Variants in SUCLA2 observed in about 807,000 individuals in gnomAD.
The protein encoded by SUCLA2 is succinate-CoA ligase ADP-forming subunit beta.
A neutral mutation model predicts 54.8 loss-of-function variants in SUCLA2; 30 were observed. That is an observed-to-expected ratio of 0.55 (90% confidence interval 0.41 to 0.74). SUCLA2 has a LOEUF of 0.74. Among genes scored for constraint, SUCLA2 ranks in the 30% least tolerant of loss-of-function variants. SUCLA2 has a pLI of 0.00. For missense variants in SUCLA2, 476 were observed against 562.9 expected (o/e 0.85, Z 1.56); for synonymous variants, 172 against 188.9 (o/e 0.91, Z 0.74).
At chr13:47,959,499 CGGGGGG>C (rs1949849900) in intron 6 of SUCLA2, among the ~76,000 whole-genome samples, 3 of 14,376 alleles carry the variant, frequency 2.1e-4, no homozygotes, top group Admixed American at 2.2e-3. Context: ...GGAAGGGGAG[CGGGGGG>C]AGGAGGAGGA....
chr13:47,968,505 A>C (rs1025767694), intron 6 of SUCLA2, 90 bp downstream of exon 6: 8 of 1,484,148 alleles, frequency 5.4e-6, no homozygotes, highest in African/African-American at 1.4e-5. Context: ...TAGAAGTTTA[A>C]CTACTTTAAC....
intron 6 of SUCLA2, among the ~76,000 whole-genome samples, chr13:47,962,654 G>A (rs565167544): frequency 1.3e-4 from 20 of 152,204 alleles, no homozygotes; most frequent in Non-Finnish European, 2.9e-4. Flanking sequence ...TGATTCCTGG[G>A]TGGCTACATG....
chr13:48,000,764 C>T (rs775258333), intron 1 of SUCLA2: 25 of 794,852 alleles, frequency 3.1e-5, no homozygotes, highest in Non-Finnish European at 2.7e-5. Flanking sequence ...CCACCTATGA[C>T]AGCTCCCAAG....
intron 5 of SUCLA2, among the ~76,000 whole-genome samples, 190 bp downstream of exon 5, chr13:47,973,074 A>G (rs1949981683): frequency 6.6e-6 from 1 of 152,172 alleles, no homozygotes; most frequent in Non-Finnish European, 1.5e-5. Context: ...AAGAATCCAC[A>G]TTGAAATATT....
chr13:47,945,422 C>CAAAAAAAAAAAA (rs10661341), intron 10 of SUCLA2, among the ~76,000 whole-genome samples: 2 of 50,014 alleles, frequency 4.0e-5, no homozygotes, highest in African/African-American at 8.6e-5. Context: ...GACTCAGTCT[C>CAAAAAAAAAAAA]AAAAAAAAAA....
intron 6 of SUCLA2, among the ~76,000 whole-genome samples, chr13:47,968,022 T>TC (rs1949933491): frequency 6.6e-6 from 1 of 151,930 alleles, no homozygotes; most frequent in Non-Finnish European, 1.5e-5. Context: ...CATAAAGAGT[T>TC]CCCCAGGATA....
intron 1 of SUCLA2, chr13:48,000,895 C>T: frequency 7.5e-7 from 1 of 1,324,776 alleles, no homozygotes; most frequent in South Asian, 1.7e-5. Flanking sequence ...CTCACCTCCA[C>T]TCAGAGCCCA....
At chr13:47,952,178 GT>G (rs772363266) in intron 8 of SUCLA2, among the ~76,000 whole-genome samples, 1 of 151,978 alleles carries the variant, frequency 6.6e-6, no homozygotes, top group Non-Finnish European at 1.5e-5. Flanking sequence ...ATTTGACATT[GT>G]TTCCCAATGC....
intron 6 of SUCLA2, chr13:47,965,667 C>G (rs1182805007): frequency 1.0e-5 from 4 of 398,292 alleles, no homozygotes; most frequent in African/African-American, 8.2e-5. Flanking sequence ...TAAAGGACAT[C>G]AGTAGGACAG....
intron 4 of SUCLA2, among the ~76,000 whole-genome samples, chr13:47,986,715 A>C (rs1458917861): frequency 6.6e-6 from 1 of 152,120 alleles, no homozygotes. Flanking sequence ...TCTTGAGTTA[A>C]CTTTTGTATA....
At chr13:47,967,134 G>A (rs1461425566) in intron 6 of SUCLA2, among the ~76,000 whole-genome samples, 2 of 152,074 alleles carry the variant, frequency 1.3e-5, no homozygotes, top group Non-Finnish European at 2.9e-5. Flanking sequence ...TTTAATTTGT[G>A]ACTCAGTATT....
At chr13:47,990,991 C>T (rs1205441376) in intron 2 of SUCLA2, among the ~76,000 whole-genome samples, 1 of 152,108 alleles carries the variant, frequency 6.6e-6, no homozygotes, top group Non-Finnish European at 1.5e-5. Context: ...TTTCTCAAAC[C>T]CCACTTCCAT....
chr13:47,958,968 A>T (rs533682633), intron 6 of SUCLA2, among the ~76,000 whole-genome samples: 25 of 152,330 alleles, frequency 1.6e-4, no homozygotes, highest in African/African-American at 6.0e-4. Flanking sequence ...TTTGATGCTC[A>T]TTGGATATCT....
At position 47,949,497 on chromosome 13, in the gene SUCLA2, A is replaced by G; in HGVS notation, c.1214T>C (p.Val405Ala). The G allele has an allele frequency of 6.2e-7, 1 of 1,613,598 alleles. No homozygotes were observed. The highest frequency in any genetic ancestry group is 8.5e-7 in the Non-Finnish European group (1 of 1,179,634). ...VKDLEIKIPV[V>A]VRLQGTRVDD... The stretch of plus-strand genomic sequence containing the variant: ...TTTATACTCACCTTGTAACCGTACC[A>G]CAACAGGTATTTTAATTTCCAAGTC... Residue 405 changes from valine (V) to alanine (A), a missense_variant, in exon 9 of 11, where the codon GTG becomes GCG. Val to Ala is a moderately conservative substitution (Grantham distance 64). Transcript: ENST00000646932.
chr13:47,962,822 C>G (rs1410578147), intron 6 of SUCLA2, among the ~76,000 whole-genome samples: 1 of 151,918 alleles, frequency 6.6e-6, no homozygotes, highest in Non-Finnish European at 1.5e-5. Flanking sequence ...TGGATAAACA[C>G]AGAAATTGAC....
chr13:47,960,068 T>C (rs1949856613), intron 6 of SUCLA2, among the ~76,000 whole-genome samples: 1 of 152,092 alleles, frequency 6.6e-6, no homozygotes, highest in Non-Finnish European at 1.5e-5. Flanking sequence ...CATCATGTGG[T>C]TTTTTTGGGA....
At chr13:48,000,901 G>A in intron 1 of SUCLA2, 2 of 1,338,364 alleles carry the variant, frequency 1.5e-6, no homozygotes, top group Non-Finnish European at 1.9e-6. Flanking sequence ...TCCACTCAGA[G>A]CCCACCTGCT....
rs143475336 is a variant in SUCLA2, at chr13:47,998,346, G to A, written c.91-1323C>T. On this transcript the variant is annotated intron_variant, in intron 1 of 10. Transcript: ENST00000646932. The stretch of plus-strand genomic sequence containing the variant: ...AAACCCAGCAACCTCTCAAACTACT[G>A]TTTAGTATACCTCCACCTTCTGACT... 2.5e-3 allele frequency among the ~76,000 whole-genome samples: 380 copies of A among 149,168 alleles called. 1 individual carries two copies. Among genetic ancestry groups the A allele is most frequent in the African/African-American group, 8.7e-3 (356 of 40,722 alleles).
intron 2 of SUCLA2, chr13:47,994,685 T>C: frequency 4.0e-6 from 1 of 248,772 alleles, no homozygotes; most frequent in Non-Finnish European, 6.4e-6. Flanking sequence ...TCCTTGTTAA[T>C]TATTAGTCTC....
Sources: allele counts gnomAD v4.1 joint callset (sites outside exome capture counted in the v4.1 genomes callset), GRCh38; gene constraint gnomAD v4.1.1; transcripts MANE v1.5; gene names NCBI Gene and HGNC (gene_info 2026-07-23, HGNC 2026-07-21).